The following KLHL12 variants were observed in gnomAD, a reference collection of about 807,000 sequenced individuals.
KLHL12 encodes kelch-like protein 12.
A neutral mutation model predicts 60.8 loss-of-function variants in KLHL12; 17 were observed. The observed-to-expected ratio is 0.28, with a 90% confidence interval of 0.19 to 0.42. KLHL12 has a LOEUF of 0.42. Ranked by LOEUF, KLHL12 falls within the 10% of genes least tolerant of loss-of-function variation. The probability of loss-of-function intolerance (pLI) is 1.00; values close to 1 mark genes in which losing one functional copy is unlikely to be tolerated. For synonymous variants in KLHL12, 220 were observed against 250.9 expected (o/e 0.88, Z 1.16); for missense variants, 468 against 722.3 (o/e 0.65, Z 4.04).
At chr1:202,925,551 AAAGG>A (rs1653498606) in intron 1 of KLHL12, among the ~76,000 whole-genome samples, 1 of 152,216 alleles carries the variant, frequency 6.6e-6, no homozygotes, top group Non-Finnish European at 1.5e-5. Flanking sequence ...AAAATTTCTT[AAAGG>A]TGTTATATTA....
At chr1:202,927,598 T>C (rs1035565978), upstream of KLHL12, among the ~76,000 whole-genome samples, 15 of 143,110 alleles carry the variant, frequency 1.0e-4, no homozygotes, top group African/African-American at 3.9e-4. Context: ...GGAGGATCAC[T>C]TGAGCCAGGC....
intron 6 of KLHL12, among the ~76,000 whole-genome samples, chr1:202,906,360 C>G (rs1380676063): frequency 7.0e-6 from 1 of 143,328 alleles, no homozygotes; most frequent in East Asian, 2.2e-4. Context: ...GAGGCTGAGG[C>G]AGGAGAATCG....
intron 6 of KLHL12, among the ~76,000 whole-genome samples, chr1:202,905,577 G>A (rs1024736166): frequency 6.6e-5 from 10 of 152,172 alleles, no homozygotes; most frequent in African/African-American, 2.4e-4. Context: ...GGTATAGGTT[G>A]AGTAACCCTT....
intron 6 of KLHL12, among the ~76,000 whole-genome samples, chr1:202,904,183 T>C (rs920659240): frequency 6.6e-6 from 1 of 151,972 alleles, no homozygotes; most frequent in Admixed American, 6.6e-5. Flanking sequence ...TTTGTATTTT[T>C]AGTAGAGACA....
intron 1 of KLHL12, among the ~76,000 whole-genome samples, chr1:202,926,440 T>C (rs1336849300): frequency 1.3e-5 from 2 of 152,090 alleles, no homozygotes; most frequent in Non-Finnish European, 2.9e-5. Flanking sequence ...GCACTATAGA[T>C]AATTCCTCCA....
intron 11 of KLHL12, 104 bp from the exon 12 acceptor site, chr1:202,892,763 G>T: frequency 8.0e-7 from 1 of 1,243,098 alleles, no homozygotes; most frequent in Non-Finnish European, 1.1e-6. Context: ...GATTGCTTAA[G>T]CCCAGGAGGG....
rs1659707434 is a variant in KLHL12, at chr1:202,892,523, C to T, written c.*10G>A. 2 of 1,612,894 alleles carry T rather than the reference C, an allele frequency of 1.2e-6. No homozygotes were observed. Among genetic ancestry groups the T allele is most frequent in the Non-Finnish European group, 1.7e-6 (2 of 1,179,668 alleles). ...CTGGTCACTAGCTCTGGATGGTGCT[C>T]CAACAATGGTCACTTCTCGCGGAGA... On this transcript the variant is annotated 3_prime_UTR_variant, in exon 12 of 12. Transcript: ENST00000367261.
intron 6 of KLHL12, among the ~76,000 whole-genome samples, chr1:202,904,872 T>A (rs1660134854): frequency 2.0e-5 from 3 of 152,238 alleles, no homozygotes; most frequent in African/African-American, 7.2e-5. Flanking sequence ...TAATTTCCAT[T>A]ATATCTTCTT....
At chr1:202,899,505 C>T (rs977041919) in intron 6 of KLHL12, among the ~76,000 whole-genome samples, 4 of 151,996 alleles carry the variant, frequency 2.6e-5, no homozygotes, top group Non-Finnish European at 5.9e-5. Flanking sequence ...AGTGAGCCAG[C>T]AAGTAGGTCT....
upstream of KLHL12, among the ~76,000 whole-genome samples, chr1:202,927,434 G>T (rs1335387633): frequency 1.3e-5 from 2 of 150,750 alleles, no homozygotes; most frequent in Non-Finnish European, 2.9e-5. Flanking sequence ...TATAATCCCG[G>T]CACTTTGGCA....
intron 6 of KLHL12, among the ~76,000 whole-genome samples, chr1:202,903,629 C>CTTTTTTTTTTTTTTTTTTTTTTT (rs1220119536): frequency 3.9e-5 from 3 of 76,086 alleles, no homozygotes; most frequent in Non-Finnish European, 5.0e-5. Flanking sequence ...TTTTTCTTTT[C>CTTTTTTTTTTTTTTTTTTTTTTT]TTTTTTTTTT....
At chr1:202,905,823 T>A (rs553086687) in intron 6 of KLHL12, among the ~76,000 whole-genome samples, 86 of 151,906 alleles carry the variant, frequency 5.7e-4, no homozygotes, top group African/African-American at 2.0e-3. Flanking sequence ...GATTTTTTTT[T>A]AGACAGAGTC....
chr1:202,899,776 T>C (rs9700677), intron 6 of KLHL12, among the ~76,000 whole-genome samples: 33,942 of 150,158 alleles, frequency 0.23, 4,867 homozygotes, highest in East Asian at 0.53. Context: ...TGAGCCGAGA[T>C]TGCACCACTG....
At chr1:202,894,893 T>G (rs1260274579) in intron 8 of KLHL12, 144 bp from the exon 9 acceptor site, 1 of 676,086 alleles carries the variant, frequency 1.5e-6, no homozygotes, top group Non-Finnish European at 2.5e-6. Flanking sequence ...TTAAGTTTTA[T>G]AGACAAGGAA....
chr1:202,919,981 A>C, intron 2 of KLHL12, 73 bp from the exon 3 acceptor site: 1 of 1,265,402 alleles, frequency 7.9e-7, no homozygotes, highest in Non-Finnish European at 1.1e-6. Flanking sequence ...CATATCTAAG[A>C]GCTTAGAGAT....
chr1:202,914,351 A>G (rs1049509596), intron 4 of KLHL12, among the ~76,000 whole-genome samples: 13 of 152,194 alleles, frequency 8.5e-5, no homozygotes, highest in Admixed American at 7.2e-4. Flanking sequence ...GCCACTGGAG[A>G]AATACTTGGG....
At chr1:202,919,283 G>A (rs548825762) in intron 3 of KLHL12, among the ~76,000 whole-genome samples, 1 of 152,070 alleles carries the variant, frequency 6.6e-6, no homozygotes, top group East Asian at 1.9e-4. Flanking sequence ...CCTGGGAATT[G>A]TAAGGGAAAA....
intron 7 of KLHL12, among the ~76,000 whole-genome samples, chr1:202,896,239 T>G (rs1283284670): frequency 6.6e-6 from 1 of 152,004 alleles, no homozygotes; most frequent in Admixed American, 6.6e-5. Context: ...CAGGCTGGAG[T>G]GCAGTGGCAC....
intron 2 of KLHL12, among the ~76,000 whole-genome samples, chr1:202,923,255 A>G (rs1558001511): frequency 6.6e-6 from 1 of 152,262 alleles, no homozygotes; most frequent in East Asian, 1.9e-4. Context: ...AGGATGCACA[A>G]CATATAATTA....
Sources: gnomAD v4.1 joint callset for allele counts (sites outside exome capture counted in the v4.1 genomes callset) on GRCh38, gnomAD v4.1.1 for gene constraint, MANE v1.5 for transcripts, NCBI Gene and HGNC (gene_info 2026-07-23, HGNC 2026-07-21) for gene names.